The following SON variants were observed in gnomAD, a reference collection of about 807,000 sequenced individuals.
SON encodes SON DNA and RNA binding protein.
A neutral mutation model predicts 173.3 loss-of-function variants in SON; 4 were observed. The ratio of observed to expected loss-of-function variants is 0.02; its 90% CI spans 0.01 to 0.05. The LOEUF is 0.05. Among genes scored for constraint, SON ranks in the 10% least tolerant of loss-of-function variants. The probability of loss-of-function intolerance (pLI) is 1.00; values close to 1 mark genes in which losing one functional copy is unlikely to be tolerated. For synonymous variants in SON, 1,190 were observed against 1,105.9 expected, an observed-to-expected ratio of 1.08 and a Z score of -1.51; for missense variants, 2,626 against 3,055.3, an observed-to-expected ratio of 0.86 and a Z score of 3.31.
intron 3 of SON, among the ~76,000 whole-genome samples, 182 bp downstream of exon 3, chr21:33,555,573 G>A (rs1450323277): frequency 2.0e-5 from 3 of 152,172 alleles, no homozygotes; most frequent in African/African-American, 7.2e-5. Flanking sequence ...ATTATAATTA[G>A]AGTTAAAAAG....
chr21:33,566,719 A>G (rs2086179506), intron 6 of SON, among the ~76,000 whole-genome samples: 1 of 152,046 alleles, frequency 6.6e-6, no homozygotes, highest in Non-Finnish European at 1.5e-5. Context: ...TTGTTCAGTA[A>G]TTTTGCTTAC....
At chr21:33,563,201 T>C (rs2086101042) in intron 6 of SON, among the ~76,000 whole-genome samples, 1 of 152,200 alleles carries the variant, frequency 6.6e-6, no homozygotes, top group African/African-American at 2.4e-5. Context: ...TGGTTAACGC[T>C]GAATTTCTCT....
chr21:33,557,611 A>G (rs2085992787), intron 4 of SON: 1 of 1,549,308 alleles, frequency 6.5e-7, no homozygotes, highest in Non-Finnish European at 8.7e-7. Flanking sequence ...TTGAGTGAGC[A>G]ACACGCAGAA....
chr21:33,552,411 A>C lies in SON; in HGVS notation c.3180A>C (p.Ser1060=), dbSNP rs1489398827. 2.5e-6 allele frequency: 4 copies of C among 1,613,546 alleles called. No individual in the cohort carries two copies. In the South Asian group the frequency reaches 4.4e-5, roughly 18 times the overall value. Residue 1060 remains serine, a synonymous_variant, in exon 3 of 12, where the codon TCA becomes TCC. Coordinates refer to ENST00000356577, the MANE Select transcript of SON (RefSeq NM_138927.4). The surrounding 1 kb of genome is among the most constrained non-coding windows in gnomAD (Gnocchi z 5.6). ...CTATGGCTGAGCGCTCTATGATGTC[A>C]GCTTATGAACGCTCCATGATGTCAG... ...MSPMAERSMM[S]AYERSMMSAY... is the part of the protein sequence containing the mutation.
chr21:33,561,820 A>T (rs2086075667), intron 6 of SON, among the ~76,000 whole-genome samples: 1 of 152,180 alleles, frequency 6.6e-6, no homozygotes, highest in South Asian at 2.1e-4. Flanking sequence ...TGGTGACATT[A>T]TTTTTTGTTA....
chr21:33,575,721 A>T lies in SON; in HGVS notation c.7105+54A>T, dbSNP rs367762250. The T allele has an allele frequency of 6.1e-5, 96 of 1,573,680 alleles. No homozygotes were observed. The African/African-American group carries it at 1.1e-3, about 19-fold the overall frequency. On this transcript the variant is annotated intron_variant, in intron 10 of 11. Coordinates refer to ENST00000356577, the MANE Select transcript of SON (RefSeq NM_138927.4). ...ACCCTAATCCCACCTTGAATTCATT[A>T]TTTGTTGCAGAAGTTGGTGGAAATA...
In SON at chr21:33,555,299, C is replaced by T; in HGVS notation, c.6068C>T (p.Pro2023Leu). The part of the protein sequence containing the change: ...SPVRLRRSRT[P>L]LRRRFSRSPI... ...GTCAGATTAAGGCGATCAAGAACAC[C>T]CTTAAGAAGAAGGTTTAGCAGATCT... The change falls in exon 3 of 12, where the codon CCC becomes CTC. Residue 2023 changes from proline to leucine, a missense_variant. Pro to Leu is a moderately conservative substitution (Grantham distance 98). Coordinates refer to ENST00000356577, the MANE Select transcript of SON (RefSeq NM_138927.4). 3.1e-6 allele frequency: 5 copies of T among 1,610,548 alleles called. No individual in the cohort carries two copies. The highest frequency in any genetic ancestry group is 4.2e-6 in the Non-Finnish European group (5 of 1,178,520).
intron 9 of SON, among the ~76,000 whole-genome samples, chr21:33,573,862 T>G (rs1473835892): frequency 3.0e-3 from 1 of 332 alleles, no homozygotes; most frequent in African/African-American, 0.012. Flanking sequence ...TTATTTCCTA[T>G]TACAATACTG....
Position 33,552,241 on chromosome 21 carries a change from G to A in SON, c.3010G>A (p.Ala1004Thr). 6.2e-7 allele frequency: 1 copy of A among 1,614,162 alleles called. No homozygotes were observed. The highest frequency in any genetic ancestry group is 2.2e-5 in the East Asian group (1 of 44,880). The change falls in exon 3 of 12, where the codon GCT becomes ACT. Residue 1004 changes from alanine (A) to threonine (T), a missense_variant. This residue lies in a region of SON where 366 missense variants were observed against 448.6 expected (regional missense o/e 0.82). Transcript: ENST00000356577. The surrounding 1 kb of genome is among the most constrained non-coding windows in gnomAD (Gnocchi z 5.6). The part of the protein sequence containing the change: ...ASRRSMMMSY[A>T]AERSMMSSYE... ...TAGACGTTCTATGATGATGTCCTATGCTGCAGAACGTTCCATGATGTCATC... is the reference window on the plus strand; with the variant it reads ...TAGACGTTCTATGATGATGTCCTATACTGCAGAACGTTCCATGATGTCATC...
intron 1 of SON, chr21:33,543,621 C>T (rs966092805): frequency 2.3e-5 from 5 of 213,698 alleles, no homozygotes; most frequent in African/African-American, 4.7e-5. Flanking sequence ...AATCTTAAAT[C>T]CTCTTTATTA....
rs1265503875 is a variant in SON, at chr21:33,559,430, AAAT to A, written c.6468+57_6468+59del. ...AACAGTGTAACTTGTGGAACTATTT[AAAT>A]AAAACCCAAATCGAATTTAGTTTAT... On this transcript the variant is annotated intron_variant, in intron 5 of 11. Transcript: ENST00000356577. This position sits in a 1 kb window ranked among gnomAD's most constrained non-coding sequence, Gnocchi z 4.1. 6.5e-7 allele frequency: 1 copy of A among 1,534,852 alleles called. No individual in the cohort carries two copies. Among genetic ancestry groups the A allele is most frequent in the African/African-American group, 1.4e-5 (1 of 71,746 alleles).
intron 4 of SON, chr21:33,557,782 C>T (rs1182258983): frequency 8.0e-6 from 10 of 1,244,376 alleles, no homozygotes; most frequent in South Asian, 1.7e-5. Context: ...GAACTTCTTT[C>T]GCATCAACAT....
In SON at chr21:33,550,749, A is replaced by C; in HGVS notation, c.1518A>C (p.Gln506His). ...CAGTAGCAATGGAGTTGACCGAACA[A>C]CCTGTGACGACGACAGAGTTGGAGC... Reference protein sequence around the residue: ...AVTVAMELTEQPVTTTELEQP... With the variant: ...AVTVAMELTEHPVTTTELEQP... The change falls in exon 3 of 12, where the codon CAA becomes CAC. Residue 506 changes from glutamine (Q) to histidine (H), a missense_variant. Physicochemically the swap from Gln to His is conservative, Grantham distance 24. Coordinates refer to ENST00000356577, the MANE Select transcript of SON (RefSeq NM_138927.4). The C allele has an allele frequency of 1.2e-6, 2 of 1,614,064 alleles. No homozygotes were observed. Among genetic ancestry groups the C allele is most frequent in the Non-Finnish European group, 1.7e-6 (2 of 1,179,984 alleles).
In SON at chr21:33,546,517, C is replaced by T. The variant is rs1416469980; in HGVS notation, c.244+138C>T. On this transcript the variant is annotated intron_variant, in intron 2 of 11. Transcript: ENST00000356577. ...ACTTTAGGCTGGGTGCGATGGCTCA[C>T]GCCTGTAATCCCAGCACTTTGGGAG... The T allele has an allele frequency of 6.5e-6, 4 of 619,700 alleles. No individual in the cohort carries two copies. The South Asian group carries it at 6.5e-5, about 10-fold the overall frequency. 38.4% of individuals were successfully genotyped at this position (619,700 alleles called of 1,614,324 possible). A position where few individuals can be genotyped will look rare whatever the true frequency, so the allele number is the denominator to read the frequency against.
Position 33,563,443 on chromosome 21 carries a change from T to G in SON, c.6657+3668T>G, listed in dbSNP as rs548691580. On this transcript the variant is annotated intron_variant, in intron 6 of 11. Transcript: ENST00000356577. ...TGCTAAATATTCTAAAATCATGTTT[T>G]ATATACAGGCCAGATGCTTTTACCT... Among the ~76,000 whole-genome samples, 12 of 96,414 alleles carry G rather than the reference T, an allele frequency of 1.2e-4. No homozygotes were observed. The East Asian group carries it at 3.1e-3, about 25-fold the overall frequency. 63.3% of individuals were successfully genotyped at this position (96,414 alleles called of 152,430 possible).
intron 7 of SON, among the ~76,000 whole-genome samples, chr21:33,567,823 G>A (rs1300659241): frequency 6.6e-6 from 1 of 152,156 alleles, no homozygotes; most frequent in African/African-American, 2.4e-5. Context: ...TGAGGCAGGA[G>A]AAATGCTTGA....
At chr21:33,576,070 C>T (rs2086392884) in intron 11 of SON, among the ~76,000 whole-genome samples, 177 bp downstream of exon 11, 1 of 152,004 alleles carries the variant, frequency 6.6e-6, no homozygotes, top group South Asian at 2.1e-4. Flanking sequence ...TGTCAATGTC[C>T]TATTTTTTAA....
At chr21:33,558,126 CTT>C (rs2086003038) in intron 4 of SON, 1 of 153,198 alleles carries the variant, frequency 6.5e-6, no homozygotes, top group Non-Finnish European at 1.5e-5. Context: ...TTAATATACT[CTT>C]GTGTTTTTGG....
chr21:33,572,753 G>A, intron 8 of SON: 1 of 332,244 alleles, frequency 3.0e-6, no homozygotes, highest in Non-Finnish European at 5.3e-6. Context: ...ATTTGTTACT[G>A]TGTAAATTTC....
Sources: allele counts gnomAD v4.1 joint callset (sites outside exome capture counted in the v4.1 genomes callset), GRCh38; gene constraint gnomAD v4.1.1; regional missense constraint gnomAD v4.1.1; non-coding constraint Gnocchi (gnomAD v3.1); transcripts MANE v1.5; gene names NCBI Gene and HGNC (gene_info 2026-07-23, HGNC 2026-07-21).